The following MYO1D variants were observed in gnomAD, a reference collection of about 807,000 sequenced individuals.
The protein encoded by MYO1D is unconventional myosin-Id.
In MYO1D, 83 loss-of-function variants were observed where a neutral mutation model predicts 122.0. The observed-to-expected ratio is 0.68, with a 90% CI of 0.57 to 0.82. The LOEUF is 0.82. MYO1D is among the 40% of genes least tolerant of loss of function. The pLI, the probability that MYO1D is intolerant of heterozygous loss-of-function variation, is 0.00. For missense variants in MYO1D, 1,157 were observed against 1,269.5 expected (o/e 0.91, Z 1.35); for synonymous variants, 464 against 446.9 (o/e 1.04, Z -0.48).
intron 1 of MYO1D, among the ~76,000 whole-genome samples, chr17:32,789,302 T>C (rs904916389): frequency 6.6e-6 from 1 of 152,204 alleles, no homozygotes; most frequent in African/African-American, 2.4e-5. Context: ...TCTAGTACTA[T>C]GTTGAATAGA....
At chr17:32,872,474 C>T (rs1421551512) in intron 1 of MYO1D, among the ~76,000 whole-genome samples, 2 of 151,996 alleles carry the variant, frequency 1.3e-5, no homozygotes, top group East Asian at 1.9e-4. Context: ...CAGAGTTTCA[C>T]GGTGTTAGCC....
chr17:32,522,359 C>A (rs1298283198), intron 21 of MYO1D, among the ~76,000 whole-genome samples: 1 of 152,126 alleles, frequency 6.6e-6, no homozygotes, highest in Non-Finnish European at 1.5e-5. Flanking sequence ...AGCCTTTTCA[C>A]CAAAAATGGG....
chr17:32,554,186 TCCCTGCCCCTGC>T (rs149083081), intron 21 of MYO1D, among the ~76,000 whole-genome samples: 67 of 151,956 alleles, frequency 4.4e-4, no homozygotes, highest in Middle Eastern at 3.4e-3. Flanking sequence ...GAGCTGAGAG[TCCCTGCCCCTGC>T]CCCTGCCCCT....
chr17:32,870,724 G>C (rs1346779166), intron 1 of MYO1D, among the ~76,000 whole-genome samples: 1 of 152,136 alleles, frequency 6.6e-6, no homozygotes, highest in Non-Finnish European at 1.5e-5. Flanking sequence ...AAATTCTGTA[G>C]CATCACAGAA....
intron 20 of MYO1D, among the ~76,000 whole-genome samples, chr17:32,628,991 T>A (rs1442307433): frequency 4.6e-5 from 7 of 152,188 alleles, no homozygotes; most frequent in African/African-American, 7.2e-5. Context: ...AATAGGTGAA[T>A]GGAGAAACAA....
chr17:32,580,325 T>A lies in MYO1D; in HGVS notation c.2864+24762A>T, dbSNP rs1197069265. ...TTTTTTTTTTTTTTTTTTTTTTTTT[T>A]ACCAGAAATGGATGCCGGATTTTAA... On this transcript the variant is annotated intron_variant, in intron 21 of 21. Transcript: ENST00000318217. 1.1e-4 allele frequency among the ~76,000 whole-genome samples: 10 copies of A among 90,528 alleles called. No homozygotes were observed. The East Asian group carries it at 3.4e-3, about 31-fold the overall frequency. The allele number at this position is 90,528 out of a possible 152,430, so 59.4% of individuals were successfully genotyped here. A position where few individuals can be genotyped will look rare whatever the true frequency, so the allele number is the denominator to read the frequency against.
intron 21 of MYO1D, among the ~76,000 whole-genome samples, chr17:32,553,543 T>G (rs1265431658): frequency 1.3e-5 from 2 of 152,094 alleles, no homozygotes; most frequent in Non-Finnish European, 2.9e-5. Flanking sequence ...AGGACGTGGG[T>G]TTTGATGGCA....
chr17:32,765,454 T>C (rs2090046027), intron 7 of MYO1D, among the ~76,000 whole-genome samples: 1 of 152,046 alleles, frequency 6.6e-6, no homozygotes, highest in African/African-American at 2.4e-5. Context: ...AAACTTTTTA[T>C]TTTATTTATT....
At chr17:32,520,946 T>C (rs1388846839) in intron 21 of MYO1D, among the ~76,000 whole-genome samples, 2 of 152,196 alleles carry the variant, frequency 1.3e-5, no homozygotes, top group Non-Finnish European at 2.9e-5. Flanking sequence ...TGGAAATCAA[T>C]CAGGGAATGG....
At chr17:32,815,344 C>T (rs1207669573) in intron 1 of MYO1D, among the ~76,000 whole-genome samples, 2 of 152,272 alleles carry the variant, frequency 1.3e-5, no homozygotes, top group Admixed American at 6.5e-5. Context: ...AGAAGTTGCC[C>T]ATTTCAACCT....
At chr17:32,757,398 CA>C (rs1397805943) in intron 10 of MYO1D, among the ~76,000 whole-genome samples, 1 of 152,022 alleles carries the variant, frequency 6.6e-6, no homozygotes, top group Non-Finnish European at 1.5e-5. Context: ...GGGTAGAGGC[CA>C]GGGGTGCTGC....
chr17:32,821,716 C>G (rs1372462481), intron 1 of MYO1D, among the ~76,000 whole-genome samples: 1 of 152,084 alleles, frequency 6.6e-6, no homozygotes, highest in Admixed American at 6.5e-5. Flanking sequence ...GGAAAAACTC[C>G]TTTTACTTAT....
chr17:32,761,631 G>A (rs1160749656), intron 8 of MYO1D, among the ~76,000 whole-genome samples: 10 of 151,878 alleles, frequency 6.6e-5, no homozygotes, highest in Admixed American at 6.6e-4. Flanking sequence ...TCTCACCCAG[G>A]ATTAAATAAT....
rs57567449 is a variant in MYO1D, at chr17:32,790,132, C to T, written c.96-9348G>A. 1.1e-3 allele frequency among the ~76,000 whole-genome samples: 162 copies of T among 152,290 alleles called. 3 individuals are homozygous for T. The East Asian group carries it at 0.029, about 27-fold the overall frequency. ...AAAAATATGCAACCTCAGGTATCTTCACTGTCACAGGTATCATCTTAACTG... is the reference window on the plus strand; with the variant it reads ...AAAAATATGCAACCTCAGGTATCTTTACTGTCACAGGTATCATCTTAACTG... On this transcript the variant is annotated intron_variant, in intron 1 of 21. Coordinates refer to ENST00000318217, the MANE Select transcript of MYO1D (RefSeq NM_015194.3).
intron 13 of MYO1D, among the ~76,000 whole-genome samples, chr17:32,740,003 T>C (rs2089754980): frequency 6.6e-6 from 1 of 152,218 alleles, no homozygotes; most frequent in South Asian, 2.1e-4. Flanking sequence ...CCCAGTTTCA[T>C]TACTTTCTAG....
chr17:32,834,108 T>C (rs1414696643), intron 1 of MYO1D, among the ~76,000 whole-genome samples: 2 of 152,222 alleles, frequency 1.3e-5, no homozygotes, highest in East Asian at 1.9e-4. Flanking sequence ...CAGCATATTG[T>C]AGGCGCCCAA....
intron 21 of MYO1D, among the ~76,000 whole-genome samples, chr17:32,574,177 C>G (rs1177183623): frequency 6.6e-6 from 1 of 151,884 alleles, no homozygotes; most frequent in Non-Finnish European, 1.5e-5. Context: ...AACTTTATAC[C>G]TGACTGATAC....
chr17:32,666,426 T>C (rs2088635995), intron 16 of MYO1D, among the ~76,000 whole-genome samples: 1 of 152,252 alleles, frequency 6.6e-6, no homozygotes, highest in Admixed American at 6.5e-5. Context: ...ATTCCTTTTC[T>C]GCTCTTTTCG....
intron 21 of MYO1D, among the ~76,000 whole-genome samples, chr17:32,582,748 A>G (rs2087353770): frequency 6.6e-6 from 1 of 152,208 alleles, no homozygotes; most frequent in Non-Finnish European, 1.5e-5. Flanking sequence ...AGACAGAAGA[A>G]TTGAAATTTC....
Sources: allele counts gnomAD v4.1 joint callset (sites outside exome capture counted in the v4.1 genomes callset), GRCh38; gene constraint gnomAD v4.1.1; transcripts MANE v1.5; gene names NCBI Gene and HGNC (gene_info 2026-07-23, HGNC 2026-07-21).